The following NXN variants were observed in gnomAD, a reference collection of about 807,000 sequenced individuals.
NXN encodes nucleoredoxin 1.
In NXN, 16 loss-of-function variants were observed where a neutral mutation model predicts 48.6. The observed-to-expected ratio is 0.33, with a 90% CI of 0.22 to 0.50. The LOEUF (loss-of-function observed/expected upper bound fraction) is 0.50. Among genes scored for constraint, NXN ranks in the 20% least tolerant of loss-of-function variants. The pLI is 0.98. For missense variants in NXN, 492 were observed against 605.5 expected, an observed-to-expected ratio of 0.81 and a Z score of 1.97; for synonymous variants, 281 against 269.6, an observed-to-expected ratio of 1.04 and a Z score of -0.41.
chr17:953,269 G>T (rs1178789164), intron 1 of NXN, among the ~76,000 whole-genome samples: 6 of 152,068 alleles, frequency 3.9e-5, no homozygotes, highest in Admixed American at 1.3e-4. Context: ...AGAAAAATTA[G>T]CCAGGCATGG....
chr17:912,223 C>T (rs947221170), intron 1 of NXN, among the ~76,000 whole-genome samples: 4 of 152,128 alleles, frequency 2.6e-5, no homozygotes, highest in Non-Finnish European at 5.9e-5. Flanking sequence ...TAAGCGTGAG[C>T]CACCACACCC....
At chr17:914,750 C>T (rs1024108687) in intron 1 of NXN, among the ~76,000 whole-genome samples, 3 of 152,030 alleles carry the variant, frequency 2.0e-5, no homozygotes, top group South Asian at 2.1e-4. Context: ...GGGAGCGTAC[C>T]GTGATGTGGG....
At chr17:955,748 A>C (rs1364867474) in intron 1 of NXN, among the ~76,000 whole-genome samples, 2 of 151,272 alleles carry the variant, frequency 1.3e-5, no homozygotes, top group Non-Finnish European at 2.9e-5. Flanking sequence ...AAAATACAAA[A>C]AAAATTAGCC....
intron 1 of NXN, among the ~76,000 whole-genome samples, chr17:829,234 G>A (rs1174801043): frequency 6.6e-6 from 1 of 151,430 alleles, no homozygotes; most frequent in Non-Finnish European, 1.5e-5. Flanking sequence ...TTGGCTCACT[G>A]CAACCTCTGC....
At chr17:901,696 T>C (rs1191999620) in intron 1 of NXN, among the ~76,000 whole-genome samples, 1 of 151,914 alleles carries the variant, frequency 6.6e-6, no homozygotes, top group Non-Finnish European at 1.5e-5. Flanking sequence ...CTGTTTGTTT[T>C]TTTGTTTTGT....
At chr17:931,887 T>TAATC (rs1230497077) in intron 1 of NXN, among the ~76,000 whole-genome samples, 1 of 149,628 alleles carries the variant, frequency 6.7e-6, no homozygotes, top group African/African-American at 2.5e-5. Context: ...CTCACGCCTG[T>TAATC]AATCCCAGCA....
intron 1 of NXN, among the ~76,000 whole-genome samples, chr17:916,275 G>C (rs905616177): frequency 6.6e-6 from 1 of 152,138 alleles, no homozygotes; most frequent in Non-Finnish European, 1.5e-5. Context: ...GTGCTGTGAG[G>C]TTCCCGTGGT....
intron 1 of NXN, among the ~76,000 whole-genome samples, chr17:901,915 G>T (rs907895220): frequency 6.6e-6 from 1 of 152,058 alleles, no homozygotes; most frequent in Non-Finnish European, 1.5e-5. Context: ...GGCCAGGCTG[G>T]TCTCAAACTC....
At position 876,824 on chromosome 17, in the gene NXN, A is replaced by G. The variant is rs113854957; in HGVS notation, c.361-50746T>C. On this transcript the variant is annotated intron_variant, in intron 1 of 7. Transcript: ENST00000336868. ...TTTGGGAGGCTGCGGGGGCGGGGGG[A>G]TCACCTGAGGTCGGGAGTTCGAGAC... 3.2e-3 allele frequency among the ~76,000 whole-genome samples: 484 copies of G among 152,050 alleles called. 2 individuals are homozygous for G. Among genetic ancestry groups the G allele is most frequent in the African/African-American group, 0.011 (451 of 41,486 alleles).
chr17:898,190 A>G (rs1228070780), intron 1 of NXN, among the ~76,000 whole-genome samples: 1 of 152,104 alleles, frequency 6.6e-6, no homozygotes, highest in Non-Finnish European at 1.5e-5. Context: ...TCCCTGGTCG[A>G]GGCTGGTCTG....
In NXN at chr17:926,376, A is replaced by T. The variant is rs8067327; in HGVS notation, c.360+52943T>A. 9.8e-3 allele frequency among the ~76,000 whole-genome samples: 1,496 copies of T among 152,090 alleles called. 27 individuals are homozygous for T. Among genetic ancestry groups the T allele is most frequent in the African/African-American group, 0.03 (1,262 of 41,480 alleles). On this transcript the variant is annotated intron_variant, in intron 1 of 7. Coordinates refer to ENST00000336868, the MANE Select transcript of NXN (RefSeq NM_022463.5). ...TAATTTTTTTATTTTTTATAAAGAC[A>T]GGGTCTTGTCATGTTACCCAGGCAG...
Position 917,998 on chromosome 17 carries a change from CA to C in NXN, c.360+61320del, listed in dbSNP as rs2144942502. 6.6e-6 allele frequency among the ~76,000 whole-genome samples: 1 copy of C among 152,322 alleles called. No homozygotes were observed. The highest frequency in any genetic ancestry group is 2.1e-4 in the South Asian group (1 of 4,824). On this transcript the variant is annotated intron_variant, in intron 1 of 7. Transcript: ENST00000336868. The surrounding 1 kb of genome is among the most constrained non-coding windows in gnomAD (Gnocchi z 4.5). Reference sequence around the variant, plus strand: ...ACACATGGCTCACGGCAGGGCCCGGCACATCACAAAAACTCACTCCGTATTT... The same window carrying C: ...ACACATGGCTCACGGCAGGGCCCGGCCATCACAAAAACTCACTCCGTATTT...
chr17:809,237 C>G (rs1345839128), intron 5 of NXN, among the ~76,000 whole-genome samples: 5 of 152,240 alleles, frequency 3.3e-5, no homozygotes, highest in African/African-American at 1.2e-4. Flanking sequence ...GGAACACGGA[C>G]TCTAAGTTCC....
rs760542865 is a variant in NXN at position 849,189 on chromosome 17, G to A, written c.361-23111C>T. Among the ~76,000 whole-genome samples the A allele has an allele frequency of 2.6e-5, 4 of 151,800 alleles. No individual in the cohort carries two copies. Among genetic ancestry groups the A allele is most frequent in the Non-Finnish European group, 4.4e-5 (3 of 67,962 alleles). Reference sequence around the variant, plus strand: ...GCACGCTTGATCTAAGACCAATCACGCTCTCTCCTGGAAGTTCAGAAAGTG... The same window carrying A: ...GCACGCTTGATCTAAGACCAATCACACTCTCTCCTGGAAGTTCAGAAAGTG... On this transcript the variant is annotated intron_variant, in intron 1 of 7. Transcript: ENST00000336868. The surrounding 1 kb of genome is among the most constrained non-coding windows in gnomAD (Gnocchi z 4.2).
intron 1 of NXN, among the ~76,000 whole-genome samples, chr17:869,619 T>A (rs1017823290): frequency 6.6e-6 from 1 of 152,236 alleles, no homozygotes; most frequent in Non-Finnish European, 1.5e-5. Context: ...ATATGTAGGT[T>A]TCAATGAAAT....
At chr17:899,458 A>G (rs190726169) in intron 1 of NXN, among the ~76,000 whole-genome samples, 1 of 152,304 alleles carries the variant, frequency 6.6e-6, no homozygotes, top group East Asian at 1.9e-4. Context: ...TCAATAAACA[A>G]CAATAAACAA....
At position 864,457 on chromosome 17, in the gene NXN, C is replaced by A. The variant is rs990526881; in HGVS notation, c.361-38379G>T. On this transcript the variant is annotated intron_variant, in intron 1 of 7. Coordinates refer to ENST00000336868, the MANE Select transcript of NXN (RefSeq NM_022463.5). Reference sequence around the variant, plus strand: ...CCTCAACGGTATTAGGTCAGGAGGGCGGATTGCATGGAAAGAAACAGAATC... The same window carrying A: ...CCTCAACGGTATTAGGTCAGGAGGGAGGATTGCATGGAAAGAAACAGAATC... 2.6e-5 allele frequency among the ~76,000 whole-genome samples: 4 copies of A among 152,250 alleles called. No homozygotes were observed. The South Asian group carries it at 8.3e-4, about 32-fold the overall frequency.
intron 1 of NXN, among the ~76,000 whole-genome samples, chr17:966,492 CAT>C (rs1237710636): frequency 1.1e-4 from 16 of 152,162 alleles, no homozygotes; most frequent in African/African-American, 3.9e-4. Context: ...GGATTGCAGG[CAT>C]GCGCCACCAC....
At chr17:805,369 A>G in intron 5 of NXN, 122 bp from the exon 6 acceptor site, 1 of 1,050,322 alleles carries the variant, frequency 9.5e-7, no homozygotes, top group Non-Finnish European at 1.3e-6. Flanking sequence ...AGGACCTGGT[A>G]CAGGCTCACA....
Sources: gnomAD v4.1 joint callset for allele counts (sites outside exome capture counted in the v4.1 genomes callset) on GRCh38, gnomAD v4.1.1 for gene constraint, Gnocchi (gnomAD v3.1) non-coding constraint, MANE v1.5 for transcripts, NCBI Gene and HGNC (gene_info 2026-07-23, HGNC 2026-07-21) for gene names.